Variants in BBS9 observed in about 807,000 individuals in gnomAD.
The protein encoded by BBS9 is protein PTHB1.
BBS9 carries 89 observed loss-of-function variants against 117.7 expected under a neutral mutation model. The ratio of observed to expected loss-of-function variants is 0.76; its 90% CI spans 0.64 to 0.90. The LOEUF is 0.90. BBS9 is among the 40% of genes least tolerant of loss of function. The pLI is 0.00. For missense variants in BBS9, 982 were observed against 1,042.2 expected, an observed-to-expected ratio of 0.94 and a Z score of 0.80; for synonymous variants, 379 against 370.9, an observed-to-expected ratio of 1.02 and a Z score of -0.25.
intron 21 of BBS9, among the ~76,000 whole-genome samples, chr7:33,576,699 C>G (rs1299815629): frequency 6.6e-6 from 1 of 152,032 alleles, no homozygotes; most frequent in Non-Finnish European, 1.5e-5. Flanking sequence ...ATACTGGTAC[C>G]AAAACAGAGA....
At chr7:33,294,745 A>G (rs1246870568) in intron 9 of BBS9, among the ~76,000 whole-genome samples, 1 of 152,200 alleles carries the variant, frequency 6.6e-6, no homozygotes, top group Non-Finnish European at 1.5e-5. Context: ...CATGAAGCCA[A>G]ATTTGATTTT....
At chr7:33,528,087 C>T (rs888394403) in intron 20 of BBS9, among the ~76,000 whole-genome samples, 4 of 152,078 alleles carry the variant, frequency 2.6e-5, no homozygotes, top group Non-Finnish European at 4.4e-5. Flanking sequence ...TAACCATAAT[C>T]TTCTGTGGAT....
chr7:33,294,335 ATCTATCTATCTATCTATC>A lies in BBS9; in HGVS notation c.1016+20383_1016+20400del, dbSNP rs201358616. Among the ~76,000 whole-genome samples the A allele has an allele frequency of 0.01, 1,327 of 129,298 alleles. 56 individuals carry two copies. In the East Asian group the frequency reaches 0.15, roughly 15 times the overall value. The allele number at this position is 129,298 out of a possible 152,430, so 84.8% of individuals were successfully genotyped here. The stretch of plus-strand genomic sequence containing the variant: ...TATCTATCTATCTATCTATCTATCT[ATCTATCTATCTATCTATC>A]TCTTTGTCCATCCATCCATCCATCC... On this transcript the variant is annotated intron_variant, in intron 9 of 22. Transcript: ENST00000242067.
intron 20 of BBS9, among the ~76,000 whole-genome samples, chr7:33,528,442 T>G (rs1169152802): frequency 6.6e-6 from 1 of 152,220 alleles, no homozygotes; most frequent in African/African-American, 2.4e-5. Flanking sequence ...CCTATACCAC[T>G]GTAGTTAAGG....
chr7:33,167,819 A>G (rs566388406), intron 4 of BBS9, among the ~76,000 whole-genome samples: 11 of 152,264 alleles, frequency 7.2e-5, no homozygotes, highest in South Asian at 2.1e-4. Context: ...TAAAGATACC[A>G]TACTCTAGGA....
Position 33,341,001 on chromosome 7 carries a change from G to T in BBS9, c.1275+28G>T, listed in dbSNP as rs76754952. 2.0e-3 allele frequency: 3,216 copies of T among 1,585,018 alleles called. 57 individuals are homozygous for T. In the African/African-American group the frequency reaches 0.039, roughly 19 times the overall value. Reference sequence around the variant, plus strand: ...AGGTGTACTTGCAGATTTTAAAGGGGTTTATAAGAGTGGTAAACTCTGATG... The same window carrying T: ...AGGTGTACTTGCAGATTTTAAAGGGTTTTATAAGAGTGGTAAACTCTGATG... On this transcript the variant is annotated intron_variant, in intron 11 of 22. Coordinates refer to ENST00000242067, the MANE Select transcript of BBS9 (RefSeq NM_198428.3).
chr7:33,475,955 G>T (rs1030973797), intron 19 of BBS9, among the ~76,000 whole-genome samples: 28 of 152,156 alleles, frequency 1.8e-4, no homozygotes, highest in African/African-American at 6.5e-4. Flanking sequence ...TCGCAAAATT[G>T]AAGAAAGTTT....
chr7:33,170,148 A>T lies in BBS9; in HGVS notation c.329-7330A>T, dbSNP rs556303571. 4.0e-5 allele frequency among the ~76,000 whole-genome samples: 6 copies of T among 151,698 alleles called. No homozygotes were observed. The South Asian group carries it at 1.3e-3, about 32-fold the overall frequency. ...ACCAAAGCCTGGAAGAGACACAACC[A>T]AAAAAGAGAATTTTAGACCAATATA... On this transcript the variant is annotated intron_variant, in intron 4 of 22. Coordinates refer to ENST00000242067, the MANE Select transcript of BBS9 (RefSeq NM_198428.3).
intron 5 of BBS9, among the ~76,000 whole-genome samples, chr7:33,194,071 A>T (rs776465033): frequency 6.6e-6 from 1 of 152,134 alleles, no homozygotes; most frequent in Non-Finnish European, 1.5e-5. Context: ...TTTATGGTCT[A>T]TGGCCTTTCC....
intron 5 of BBS9, among the ~76,000 whole-genome samples, chr7:33,198,953 C>T (rs1015871714): frequency 6.6e-6 from 1 of 151,950 alleles, no homozygotes; most frequent in African/African-American, 2.4e-5. Context: ...GTTGCTAGTT[C>T]TCTAAAGGAA....
chr7:33,265,857 TG>T (rs1338119983), intron 7 of BBS9, among the ~76,000 whole-genome samples: 1 of 151,810 alleles, frequency 6.6e-6, no homozygotes, highest in Admixed American at 6.6e-5. Context: ...TAAAAAAAGT[TG>T]TTATAAGATA....
chr7:33,253,926 T>C (rs764351459), intron 5 of BBS9, among the ~76,000 whole-genome samples: 3 of 152,222 alleles, frequency 2.0e-5, no homozygotes, highest in Non-Finnish European at 4.4e-5. Flanking sequence ...TGTCTAGTGA[T>C]AATTCATGAT....
chr7:33,428,226 A>G (rs2128872092), intron 19 of BBS9, among the ~76,000 whole-genome samples: 1 of 152,304 alleles, frequency 6.6e-6, no homozygotes, highest in South Asian at 2.1e-4. Context: ...TACCCAAGTA[A>G]ATAGTAGGAT....
At chr7:33,606,772 C>A (rs926059182), downstream of BBS9, among the ~76,000 whole-genome samples, 1 of 152,122 alleles carries the variant, frequency 6.6e-6, no homozygotes, top group African/African-American at 2.4e-5. Flanking sequence ...GAGCCACATT[C>A]GAGGTCCTCT....
chr7:33,166,531 C>T (rs989910187), intron 4 of BBS9, among the ~76,000 whole-genome samples: 2 of 152,278 alleles, frequency 1.3e-5, no homozygotes, highest in African/African-American at 2.4e-5. Context: ...GAGCTTCCTC[C>T]AGCCGCTTTG....
At chr7:33,427,284 G>T (rs1454925036) in intron 19 of BBS9, among the ~76,000 whole-genome samples, 2 of 152,186 alleles carry the variant, frequency 1.3e-5, no homozygotes. Context: ...TTGTTAATTT[G>T]CAATTACAGT....
At position 33,627,808 on chromosome 7, in the gene BBS9, C is replaced by T. The variant is rs570959757; in HGVS notation, c.2522-7369C>T. On this transcript the variant is annotated intron_variant, in intron 21 of 21. Coordinates refer to the BBS9 transcript ENST00000671952. ...GCTCATGCCCAGCACTTTGGGAGGC[C>T]GAGGCAGGTGGATCACTTGAGCCCA... 9.9e-5 allele frequency among the ~76,000 whole-genome samples: 15 copies of T among 152,176 alleles called. No individual in the cohort carries two copies. In the South Asian group the frequency reaches 1.2e-3, roughly 13 times the overall value.
At chr7:33,451,941 C>A (rs918736492) in intron 19 of BBS9, among the ~76,000 whole-genome samples, 1 of 152,058 alleles carries the variant, frequency 6.6e-6, no homozygotes. Context: ...TCAAGCAATT[C>A]TTGTGCTTCA....
At chr7:33,563,775 G>A (rs1856454178) in intron 21 of BBS9, among the ~76,000 whole-genome samples, 1 of 152,190 alleles carries the variant, frequency 6.6e-6, no homozygotes, top group Non-Finnish European at 1.5e-5. Context: ...GGGAAGGAAT[G>A]TCTGAGTATG....
Sources: allele counts gnomAD v4.1 joint callset (sites outside exome capture counted in the v4.1 genomes callset), GRCh38; gene constraint gnomAD v4.1.1; transcripts MANE v1.5; gene names NCBI Gene and HGNC (gene_info 2026-07-23, HGNC 2026-07-21).